The following ATAD3A variants were observed in gnomAD, a reference collection of about 807,000 sequenced individuals.
ATAD3A encodes the protein ATPase family AAA domain-containing protein 3A.
ATAD3A carries 46 observed loss-of-function variants against 73.8 expected under a neutral mutation model. The observed-to-expected ratio is 0.62, with a 90% CI of 0.49 to 0.80. ATAD3A has a LOEUF of 0.80. ATAD3A is among the 30% of genes least tolerant of loss of function. The pLI, the probability that ATAD3A is intolerant of heterozygous loss-of-function variation, is 0.00. For synonymous variants in ATAD3A, 319 were observed against 350.0 expected (o/e 0.91, Z 0.99); for missense variants, 705 against 838.0 (o/e 0.84, Z 1.96).
intron 1 of ATAD3A, among the ~76,000 whole-genome samples, chr1:1,515,235 C>A (rs1452794030): frequency 6.6e-6 from 1 of 152,190 alleles, no homozygotes; most frequent in Non-Finnish European, 1.5e-5. Flanking sequence ...CGCCACTGCG[C>A]CCAGCTAATT....
Position 1,526,653 on chromosome 1 carries a change from A to G in ATAD3A, c.1337+122A>G, listed in dbSNP as rs1751466. The G allele has an allele frequency of 1.1e-3, 1,698 of 1,551,464 alleles. 3 individuals carry two copies. Among genetic ancestry groups the G allele is most frequent in the Non-Finnish European group, 1.2e-3 (1,433 of 1,150,124 alleles). On this transcript the variant is annotated intron_variant, in intron 13 of 15. Coordinates refer to ENST00000378756, the MANE Select transcript of ATAD3A (RefSeq NM_001170535.3). ...GCTGGGCAGCTGCCGTGGCCTCAACATGCCCACCTCGGATGTCCCCTGGGA... is the reference window on the plus strand; with the variant it reads ...GCTGGGCAGCTGCCGTGGCCTCAACGTGCCCACCTCGGATGTCCCCTGGGA...
intron 2 of ATAD3A, 67 bp from the exon 3 acceptor site, chr1:1,517,244 A>G: frequency 6.5e-7 from 1 of 1,546,912 alleles, no homozygotes; most frequent in Non-Finnish European, 8.7e-7. Flanking sequence ...CCGTGCAGAC[A>G]CAGGAGCGGC....
chr1:1,522,626 G>A lies in ATAD3A; in HGVS notation c.751-118G>A, dbSNP rs546848594. 781 of 1,537,168 alleles carry A rather than the reference G, an allele frequency of 5.1e-4. 4 individuals are homozygous for A. Among genetic ancestry groups the A allele is most frequent in the Middle Eastern group, 4.1e-3 (17 of 4,146 alleles). On this transcript the variant is annotated intron_variant, in intron 7 of 15. Coordinates refer to ENST00000378756, the MANE Select transcript of ATAD3A (RefSeq NM_001170535.3). ...GAATTCGCGTTCCTGTGGGGCCAGT[G>A]CACGGCCCTGTGCTTCTCCCTCGGG... is the stretch of plus-strand genomic sequence containing the variant.
chr1:1,534,466 G>GT lies in ATAD3A; in HGVS notation c.*395dup. The GT allele has an allele frequency of 1.8e-6, 2 of 1,139,118 alleles. No individual in the cohort carries two copies. The highest frequency in any genetic ancestry group is 2.2e-6 in the Non-Finnish European group (2 of 891,274). The allele number at this position is 1,139,118 out of a possible 1,614,324, so 70.6% of individuals were successfully genotyped here. ...TTCTCGGCTCCCACAGCAGAGCCAG[G>GT]TGAGGGGGCGCCTGCCAGGGCCAGA... On this transcript the variant is annotated 3_prime_UTR_variant, in exon 16 of 16. Transcript: ENST00000378756.
At chr1:1,525,322 G>T (rs772571914) in intron 12 of ATAD3A, 31 bp downstream of exon 12, 2 of 1,613,610 alleles carry the variant, frequency 1.2e-6, no homozygotes, top group Admixed American at 3.3e-5. Flanking sequence ...GGCCACAATG[G>T]GGTGGTGGGG....
chr1:1,525,253 G>A lies in ATAD3A; in HGVS notation c.1228G>A (p.Val410Met), dbSNP rs544239006. 6.1e-5 allele frequency: 99 copies of A among 1,613,954 alleles called. No homozygotes were observed. The African/African-American group carries it at 7.5e-4, about 12-fold the overall frequency. Residue 410 changes from valine (V) to methionine (M), a missense_variant, in exon 12 of 16, where the codon GTG becomes ATG. By Grantham distance (21) the Val-to-Met change is conservative. Coordinates refer to ENST00000378756, the MANE Select transcript of ATAD3A (RefSeq NM_001170535.3). ...TCTCGTTCACAGCCTCCTGCTCTTT[G>A]TGGATGAAGCGGACGCCTTCCTTCG... ...NTSRRGLLLF[V>M]DEADAFLRKR...
At chr1:1,515,849 G>A (rs1051734372) in intron 1 of ATAD3A, among the ~76,000 whole-genome samples, 163 bp from the exon 2 acceptor site, 6 of 152,176 alleles carry the variant, frequency 3.9e-5, no homozygotes, top group Non-Finnish European at 7.3e-5. Context: ...ATGGTGCATC[G>A]TCACGCCAGG....
Position 1,523,701 on chromosome 1 carries a change from C to T in ATAD3A, c.963+134C>T. ...CTGAGATGCGACTGCTTGGACCGTGCTGGGGATAGATAGGCTGCCCCTGAG... is the reference window on the plus strand; with the variant it reads ...CTGAGATGCGACTGCTTGGACCGTGTTGGGGATAGATAGGCTGCCCCTGAG... On this transcript the variant is annotated intron_variant, in intron 9 of 15. Coordinates refer to ENST00000378756, the MANE Select transcript of ATAD3A (RefSeq NM_001170535.3). The surrounding 1 kb of genome is among the most constrained non-coding windows in gnomAD (Gnocchi z 5.1). 1 of 1,588,326 alleles carries T rather than the reference C, an allele frequency of 6.3e-7. No individual in the cohort carries two copies. Among genetic ancestry groups the T allele is most frequent in the East Asian group, 2.2e-5 (1 of 44,512 alleles).
At chr1:1,529,496 C>T (rs1641963457) in intron 15 of ATAD3A, among the ~76,000 whole-genome samples, 165 bp downstream of exon 15, 4 of 152,246 alleles carry the variant, frequency 2.6e-5, no homozygotes, top group Non-Finnish European at 5.9e-5. Context: ...CAGGCCACTC[C>T]ACGAGGCATC....
rs747116778 is a variant in ATAD3A at position 1,517,745 on chromosome 1, G to A, written c.414G>A (p.Arg138=). ...CCCAGTATCAAGACAAGCTGGCCCG[G>A]CAGCGCTACGAGGACCAACTGAAGC... ...ARAQYQDKLA[R]QRYEDQLKQQ... The change falls in exon 4 of 16, where the codon CGG becomes CGA. Residue 138 remains arginine (R), a synonymous_variant. Transcript: ENST00000378756. 9.4e-6 allele frequency: 14 copies of A among 1,489,724 alleles called. No homozygotes were observed. The highest frequency in any genetic ancestry group is 2.2e-5 in the East Asian group (1 of 44,516). 92.3% of individuals were successfully genotyped at this position (1,489,724 alleles called of 1,614,324 possible).
chr1:1,516,140 C>A (rs549943434), intron 2 of ATAD3A, 52 bp downstream of exon 2: 586 of 1,609,574 alleles, frequency 3.6e-4, no homozygotes, highest in Non-Finnish European at 4.8e-4. Context: ...GGGGTTCGGG[C>A]ATGGAGATTG....
rs59025469 is a variant in ATAD3A, at chr1:1,527,951, A to G, written c.1505+89A>G. The G allele has an allele frequency of 4.4e-3, 6,141 of 1,381,396 alleles. 260 individuals carry two copies. In the African/African-American group the frequency reaches 0.082, roughly 18 times the overall value. 85.6% of individuals were successfully genotyped at this position (1,381,396 alleles called of 1,614,324 possible). Reference sequence around the variant, plus strand: ...AGTCCACCATCACTTACAAACCTTTAACATTCCTTTTTTTTTTTTTTTTTT... The same window carrying G: ...AGTCCACCATCACTTACAAACCTTTGACATTCCTTTTTTTTTTTTTTTTTT... On this transcript the variant is annotated intron_variant, in intron 14 of 15. Transcript: ENST00000378756.
At position 1,534,274 on chromosome 1, in the gene ATAD3A, G is replaced by T. The variant is rs1292629641; in HGVS notation, c.*202G>T. 1.6e-5 allele frequency: 23 copies of T among 1,458,168 alleles called. No individual in the cohort carries two copies. The highest frequency in any genetic ancestry group is 1.3e-5 in the Non-Finnish European group (15 of 1,114,358). 90.3% of individuals were successfully genotyped at this position (1,458,168 alleles called of 1,614,324 possible). ...CCTGTTGTAGGCACTGGCTAGGGAG[G>T]GGCAGGCCTCCTTCCTGCCCCTCGA... On this transcript the variant is annotated 3_prime_UTR_variant, in exon 16 of 16. Transcript: ENST00000378756.
In ATAD3A at chr1:1,522,917, G is replaced by C; in HGVS notation, c.906+18G>C. Reference sequence around the variant, plus strand: ...CCATCCAGGTAGCAGCGCAGGCCTGGCCCTCCCTGAGTGCAGTTCCTGGCT... The same window carrying C: ...CCATCCAGGTAGCAGCGCAGGCCTGCCCCTCCCTGAGTGCAGTTCCTGGCT... On this transcript the variant is annotated intron_variant, in intron 8 of 15. Transcript: ENST00000378756. 5 of 1,605,144 alleles carry C rather than the reference G, an allele frequency of 3.1e-6. No individual in the cohort carries two copies. The highest frequency in any genetic ancestry group is 3.4e-6 in the Non-Finnish European group (4 of 1,179,032).
At chr1:1,517,251 C>T (rs1197476229) in intron 2 of ATAD3A, 60 bp from the exon 3 acceptor site, 7 of 1,547,022 alleles carry the variant, frequency 4.5e-6, no homozygotes, top group South Asian at 3.6e-5. Context: ...GACACAGGAG[C>T]GGCTGTCAGG....
intron 8 of ATAD3A, 59 bp downstream of exon 8, chr1:1,522,958 C>A: frequency 1.9e-6 from 3 of 1,583,378 alleles, no homozygotes; most frequent in South Asian, 1.1e-5. Flanking sequence ...CCTTCTGCCC[C>A]ACGAGCACAG....
intron 2 of ATAD3A, 180 bp from the exon 3 acceptor site, chr1:1,517,131 G>T: frequency 6.5e-7 from 1 of 1,546,156 alleles, no homozygotes; most frequent in Non-Finnish European, 8.7e-7. Context: ...TGTGCCTGTG[G>T]GTCTGGATTC....
rs554255312 is a variant in ATAD3A at position 1,525,263 on chromosome 1, C to G, written c.1238C>G (p.Ala413Gly). 8.1e-6 allele frequency: 13 copies of G among 1,613,930 alleles called. No individual in the cohort carries two copies. Among genetic ancestry groups the G allele is most frequent in the Non-Finnish European group, 6.8e-6 (8 of 1,179,990 alleles). ...AGCCTCCTGCTCTTTGTGGATGAAGCGGACGCCTTCCTTCGGAAGCGAGCC... is the reference window on the plus strand; with the variant it reads ...AGCCTCCTGCTCTTTGTGGATGAAGGGGACGCCTTCCTTCGGAAGCGAGCC... The part of the protein sequence containing the change: ...RRGLLLFVDE[A>G]DAFLRKRATE... The change falls in exon 12 of 16, where the codon GCG becomes GGG. Residue 413 changes from alanine (A) to glycine (G), a missense_variant. Transcript: ENST00000378756.
At chr1:1,513,301 C>T (rs973386672) in intron 1 of ATAD3A, among the ~76,000 whole-genome samples, 4 of 151,434 alleles carry the variant, frequency 2.6e-5, no homozygotes, top group African/African-American at 9.7e-5. Context: ...GGTTTTCACC[C>T]GCTAACTTCA....
Sources: gnomAD v4.1 joint callset for allele counts (sites outside exome capture counted in the v4.1 genomes callset) on GRCh38, gnomAD v4.1.1 for gene constraint, Gnocchi (gnomAD v3.1) non-coding constraint, MANE v1.5 for transcripts, NCBI Gene and HGNC (gene_info 2026-07-23, HGNC 2026-07-21) for gene names.